RAD51B: variants seen among roughly 807,000 people sequenced by gnomAD.
RAD51B encodes DNA repair protein RAD51 homolog 2.
A neutral mutation model predicts 42.2 loss-of-function variants in RAD51B; 38 were observed. The observed-to-expected ratio is 0.90, with a 90% CI of 0.70 to 1.18. The LOEUF (loss-of-function observed/expected upper bound fraction) is 1.18. RAD51B is among the 50% of genes most tolerant of loss of function. RAD51B has a pLI of 0.00. For synonymous variants in RAD51B, 154 were observed against 145.2 expected, an observed-to-expected ratio of 1.06 and a Z score of -0.43; for missense variants, 373 against 400.7, an observed-to-expected ratio of 0.93 and a Z score of 0.59.
chr14:68,553,498 G>T (rs549544616), intron 10 of RAD51B, among the ~76,000 whole-genome samples: 1 of 152,108 alleles, frequency 6.6e-6, no homozygotes, highest in Non-Finnish European at 1.5e-5. Flanking sequence ...CATCTACTGC[G>T]AGCAAAGAGA....
intron 8 of RAD51B, among the ~76,000 whole-genome samples, chr14:68,323,643 CAGTT>C (rs1406115336): frequency 2.0e-5 from 3 of 152,122 alleles, no homozygotes; most frequent in African/African-American, 7.2e-5. Context: ...AATAGAAAAA[CAGTT>C]AGCTGGGTGT....
At chr14:68,128,317 A>G (rs1318001955) in intron 7 of RAD51B, among the ~76,000 whole-genome samples, 1 of 152,234 alleles carries the variant, frequency 6.6e-6, no homozygotes, top group East Asian at 1.9e-4. Context: ...AGAGAAGTCA[A>G]TTAGATCGCA....
chr14:68,168,240 CT>C (rs2078794275), intron 7 of RAD51B, among the ~76,000 whole-genome samples: 1 of 152,078 alleles, frequency 6.6e-6, no homozygotes, highest in African/African-American at 2.4e-5. Context: ...AATTTTACTC[CT>C]TTTAATCAGG....
chr14:68,630,416 A>C (rs777549280), intron 10 of RAD51B, among the ~76,000 whole-genome samples: 6 of 151,718 alleles, frequency 4.0e-5, no homozygotes, highest in Non-Finnish European at 8.8e-5. Context: ...CACATCTGGG[A>C]AGGTGTGACC....
chr14:68,379,079 A>G (rs922511087), intron 8 of RAD51B, among the ~76,000 whole-genome samples: 3 of 152,218 alleles, frequency 2.0e-5, no homozygotes, highest in Admixed American at 6.5e-5. Context: ...GTTCCGGGAA[A>G]TAACAAGTGG....
At chr14:68,058,310 C>A (rs958476627) in intron 7 of RAD51B, among the ~76,000 whole-genome samples, 2 of 152,094 alleles carry the variant, frequency 1.3e-5, no homozygotes, top group Non-Finnish European at 2.9e-5. Context: ...CCAGTAGAGG[C>A]CAACTATAGA....
chr14:68,613,675 C>G (rs1236218975), downstream of RAD51B, among the ~76,000 whole-genome samples: 2 of 151,828 alleles, frequency 1.3e-5, no homozygotes, highest in African/African-American at 2.4e-5. Flanking sequence ...AGGATGGTCT[C>G]GATCTCCTGA....
At chr14:68,109,315 T>C (rs1224339987) in intron 7 of RAD51B, among the ~76,000 whole-genome samples, 4 of 152,016 alleles carry the variant, frequency 2.6e-5, no homozygotes, top group African/African-American at 9.7e-5. Context: ...TTTTATAATG[T>C]GGCTGTGAGA....
At chr14:67,864,867 T>C (rs1366465570) in intron 4 of RAD51B, 136 bp from the exon 5 acceptor site, 7 of 1,329,848 alleles carry the variant, frequency 5.3e-6, no homozygotes, top group African/African-American at 1.5e-5. Flanking sequence ...TTGGGCTTAA[T>C]TCTCTCCTGG....
At chr14:68,255,416 G>A (rs1388516534) in intron 7 of RAD51B, among the ~76,000 whole-genome samples, 9 of 152,116 alleles carry the variant, frequency 5.9e-5, no homozygotes, top group Non-Finnish European at 2.9e-5. Flanking sequence ...CTTGTACCCT[G>A]GTTCTGGTTC....
chr14:68,419,859 C>G (rs1290749139), intron 9 of RAD51B, among the ~76,000 whole-genome samples: 1 of 152,126 alleles, frequency 6.6e-6, no homozygotes, highest in Non-Finnish European at 1.5e-5. Context: ...GTGTGGGAAC[C>G]CATTTCCTGC....
intron 10 of RAD51B, chr14:68,562,898 A>T (rs573830171): frequency 1.0e-6 from 1 of 985,452 alleles, no homozygotes; most frequent in South Asian, 4.7e-5. Context: ...CACCTTCTGG[A>T]TGGAGCCCAT....
intron 7 of RAD51B, among the ~76,000 whole-genome samples, chr14:68,188,581 G>A (rs966494247): frequency 3.3e-5 from 5 of 152,220 alleles, no homozygotes; most frequent in East Asian, 1.9e-4. Flanking sequence ...AATGGGAATC[G>A]TGAATTGATT....
chr14:68,401,731 G>A (rs2084110218), intron 8 of RAD51B, among the ~76,000 whole-genome samples: 1 of 152,142 alleles, frequency 6.6e-6, no homozygotes, highest in Non-Finnish European at 1.5e-5. Context: ...AATGGTATTA[G>A]TTGAAGCAGT....
chr14:67,869,970 G>C (rs1215343876), intron 5 of RAD51B, among the ~76,000 whole-genome samples: 10 of 151,472 alleles, frequency 6.6e-5, no homozygotes, highest in Admixed American at 6.6e-4. Flanking sequence ...GGTACCAGCC[G>C]CTGCAAAATC....
intron 7 of RAD51B, among the ~76,000 whole-genome samples, chr14:68,021,494 C>T (rs1458671274): frequency 3.3e-5 from 5 of 152,162 alleles, no homozygotes; most frequent in Non-Finnish European, 2.9e-5. Flanking sequence ...ACTTTTAGAA[C>T]GTCATTTTTT....
chr14:67,831,596 G>T (rs964994086), intron 3 of RAD51B, among the ~76,000 whole-genome samples: 1 of 152,104 alleles, frequency 6.6e-6, no homozygotes, highest in Non-Finnish European at 1.5e-5. Flanking sequence ...GAGTGCAGTG[G>T]CGTGATCTTG....
intron 9 of RAD51B, among the ~76,000 whole-genome samples, chr14:68,462,932 AC>A (rs1038795005): frequency 6.6e-6 from 1 of 152,116 alleles, no homozygotes; most frequent in Admixed American, 6.5e-5. Flanking sequence ...ATTTCTTTGA[AC>A]CCTCAGACTT....
At chr14:68,284,010 G>T (rs1330133271) in intron 7 of RAD51B, among the ~76,000 whole-genome samples, 1 of 152,188 alleles carries the variant, frequency 6.6e-6, no homozygotes. Flanking sequence ...GTGTGTGCTT[G>T]TGCAAAGCTG....
Sources: gnomAD v4.1 joint callset for allele counts (sites outside exome capture counted in the v4.1 genomes callset) on GRCh38, gnomAD v4.1.1 for gene constraint, MANE v1.5 for transcripts, NCBI Gene and HGNC (gene_info 2026-07-23, HGNC 2026-07-21) for gene names.